Variants in NAV2 observed in about 807,000 individuals in gnomAD.
The protein encoded by NAV2 is neuron navigator 2, also known as helicase, APC down-regulated 1.
In NAV2, 54 loss-of-function variants were observed where a neutral mutation model predicts 223.2. The observed-to-expected ratio is 0.24, with a 90% CI of 0.19 to 0.30. The LOEUF (loss-of-function observed/expected upper bound fraction) is 0.30. NAV2 is among the 10% of genes least tolerant of loss of function. The pLI is 1.00. For missense variants in NAV2, 2,806 were observed against 3,147.5 expected, an observed-to-expected ratio of 0.89 and a Z score of 2.60; for synonymous variants, 1,279 against 1,239.3, an observed-to-expected ratio of 1.03 and a Z score of -0.67.
chr11:19,975,068 T>G (rs888728709), intron 10 of NAV2, among the ~76,000 whole-genome samples: 3 of 152,242 alleles, frequency 2.0e-5, no homozygotes, highest in African/African-American at 7.2e-5. Context: ...TAAAGGGGCT[T>G]TGTCTAGAGA....
At chr11:19,703,462 C>T (rs566080380) in intron 1 of NAV2, among the ~76,000 whole-genome samples, 64 of 152,282 alleles carry the variant, frequency 4.2e-4, no homozygotes, top group Middle Eastern at 6.8e-3. Flanking sequence ...TGGGGAGCAT[C>T]GCAGCTCAGT....
intron 1 of NAV2, among the ~76,000 whole-genome samples, chr11:19,488,560 T>C (rs2042523584): frequency 6.6e-6 from 1 of 152,216 alleles, no homozygotes; most frequent in Non-Finnish European, 1.5e-5. Context: ...CCCAGATGTG[T>C]ACCCTACAGG....
intron 6 of NAV2, among the ~76,000 whole-genome samples, chr11:19,895,131 A>T (rs2041866163): frequency 1.1e-5 from 1 of 90,084 alleles, no homozygotes; most frequent in South Asian, 3.5e-4. Flanking sequence ...TTTTTTTGAG[A>T]CAGAGTGTCA....
intron 1 of NAV2, among the ~76,000 whole-genome samples, chr11:19,718,175 T>A (rs1266041256): frequency 1.3e-5 from 2 of 152,002 alleles, no homozygotes; most frequent in Non-Finnish European, 2.9e-5. Context: ...TAGCATCTGC[T>A]CTGTTAACAT....
At chr11:19,776,810 G>A (rs1402903727) in intron 1 of NAV2, among the ~76,000 whole-genome samples, 1 of 151,986 alleles carries the variant, frequency 6.6e-6, no homozygotes, top group Non-Finnish European at 1.5e-5. Context: ...TGCGCATAGT[G>A]AGGCGCCGGC....
At chr11:19,487,577 C>A (rs1433972360) in intron 1 of NAV2, among the ~76,000 whole-genome samples, 1 of 152,128 alleles carries the variant, frequency 6.6e-6, no homozygotes, top group Non-Finnish European at 1.5e-5. Context: ...GGACTGCTTG[C>A]TTTGGTGAAG....
At chr11:19,720,039 G>A (rs181893926) in intron 1 of NAV2, among the ~76,000 whole-genome samples, 1 of 152,312 alleles carries the variant, frequency 6.6e-6, no homozygotes, top group African/African-American at 2.4e-5. Flanking sequence ...TTGTTCTGAG[G>A]GCAGAAGGAA....
rs11267537 is a variant in NAV2, at chr11:20,106,175, A to ATATATATG, written c.6841+449_6841+450insATATATGT. 4.6e-3 allele frequency among the ~76,000 whole-genome samples: 165 copies of ATATATATG among 35,810 alleles called. 18 individuals carry two copies. The highest frequency in any genetic ancestry group is 0.016 in the Middle Eastern group (1 of 62). The allele number at this position is 35,810 out of a possible 152,430, so 23.5% of individuals were successfully genotyped here. A position where few individuals can be genotyped will look rare whatever the true frequency, so the allele number is the denominator to read the frequency against. On this transcript the variant is annotated intron_variant, in intron 35 of 37. Transcript: ENST00000349880. Reference sequence around the variant, plus strand: ...TGTGTGTATATATATATATATATATATGTGTGTGTATATATATATATATAT... The same window carrying ATATATATG: ...TGTGTGTATATATATATATATATATATATATATGTGTGTGTGTATATATATATATATAT...
At chr11:20,062,269 GC>G in intron 19 of NAV2, 37 bp from the exon 20 acceptor site, 1 of 1,533,426 alleles carries the variant, frequency 6.5e-7, no homozygotes, top group Non-Finnish European at 8.9e-7. Flanking sequence ...TTCCATAACA[GC>G]CATCTATCAA....
intron 1 of NAV2, among the ~76,000 whole-genome samples, chr11:19,791,295 G>A (rs1408742826): frequency 2.0e-5 from 3 of 152,164 alleles, no homozygotes; most frequent in Non-Finnish European, 2.9e-5. Flanking sequence ...AATGGCAAGA[G>A]GGCAAGGCGT....
At chr11:20,011,200 G>GT (rs931427031) in intron 11 of NAV2, among the ~76,000 whole-genome samples, 1 of 151,992 alleles carries the variant, frequency 6.6e-6, no homozygotes, top group Non-Finnish European at 1.5e-5. Context: ...ATGAGTTTTG[G>GT]TGAGGTTTCT....
intron 1 of NAV2, among the ~76,000 whole-genome samples, chr11:19,723,739 C>T (rs557544372): frequency 3.3e-5 from 5 of 152,346 alleles, no homozygotes; most frequent in South Asian, 4.1e-4. Context: ...AGGTGACCCC[C>T]GTGCTGCCGG....
At chr11:19,558,814 C>T (rs143802611) in intron 1 of NAV2, among the ~76,000 whole-genome samples, 256 of 152,286 alleles carry the variant, frequency 1.7e-3, no homozygotes, top group African/African-American at 6.1e-3. Flanking sequence ...GTTGGCCATC[C>T]CTGGATTCCC....
At chr11:19,598,515 G>A (rs1388747237) in intron 1 of NAV2, among the ~76,000 whole-genome samples, 1 of 152,160 alleles carries the variant, frequency 6.6e-6, no homozygotes, top group Non-Finnish European at 1.5e-5. Flanking sequence ...GTTATGTAGT[G>A]ATCAGAGCTA....
At chr11:19,662,079 G>A (rs761001257) in intron 1 of NAV2, among the ~76,000 whole-genome samples, 1 of 152,178 alleles carries the variant, frequency 6.6e-6, no homozygotes, top group Non-Finnish European at 1.5e-5. Flanking sequence ...GCAGCCACAT[G>A]TCTACTACCT....
chr11:20,048,773 T>G lies in NAV2; in HGVS notation c.3948T>G (p.Ala1316=), dbSNP rs1329712127. The change falls in exon 15 of 38, where the codon GCT becomes GCG. Residue 1316 remains alanine (A), a synonymous_variant. Coordinates refer to ENST00000349880, the MANE Select transcript of NAV2 (RefSeq NM_145117.5). ...CCAAGCAAGTGCCCATCGCCACAGC[T>G]GAAAACATGAAAAATTCGGTGGTCA... ...KPTKQVPIAT[A]ENMKNSVVIS... 6.2e-7 allele frequency: 1 copy of G among 1,614,120 alleles called. No homozygotes were observed. Among genetic ancestry groups the G allele is most frequent in the South Asian group, 1.1e-5 (1 of 91,074 alleles).
chr11:20,068,133 A>C (rs192798991), intron 20 of NAV2, 53 bp from the exon 21 acceptor site: 1 of 1,526,092 alleles, frequency 6.6e-7, no homozygotes, highest in East Asian at 2.3e-5. Flanking sequence ...GGGCTGGACT[A>C]CACTATTCTT....
At chr11:19,516,766 G>A (rs1218946188) in intron 1 of NAV2, among the ~76,000 whole-genome samples, 1 of 152,228 alleles carries the variant, frequency 6.6e-6, no homozygotes, top group Non-Finnish European at 1.5e-5. Context: ...CCACCTGGAT[G>A]AGGACCTGAG....
At position 20,049,182 on chromosome 11, in the gene NAV2, A is replaced by G. The variant is rs1278169804; in HGVS notation, c.4357A>G (p.Thr1453Ala). The G allele has an allele frequency of 6.3e-7, 1 of 1,595,624 alleles. No homozygotes were observed. Among genetic ancestry groups the G allele is most frequent in the African/African-American group, 1.3e-5 (1 of 74,690 alleles). Reference protein sequence around the residue: ...PFVRTNSVKTTLSESPLSSPA... With the variant: ...PFVRTNSVKTALSESPLSSPA... ...TGTCAGAACTAACAGTGTGAAGACC[A>G]CACTGTCAGAAAGGTTGGTGCTGTG... The change falls in exon 15 of 38, where the codon ACA becomes GCA. Residue 1453 changes from threonine to alanine, a missense_variant. Coordinates refer to ENST00000349880, the MANE Select transcript of NAV2 (RefSeq NM_145117.5).
Sources: gnomAD v4.1 joint callset for allele counts (sites outside exome capture counted in the v4.1 genomes callset) on GRCh38, gnomAD v4.1.1 for gene constraint, MANE v1.5 for transcripts, NCBI Gene and HGNC (gene_info 2026-07-23, HGNC 2026-07-21) for gene names.